Variants in CRIPTO3 observed in about 807,000 individuals in gnomAD.
CRIPTO3 encodes the protein protein CRIPTO3.
chrX:110,521,567 A>T, the CRIPTO3 span: 1 of 1,211,789 alleles, frequency 8.3e-7, no homozygotes, highest in East Asian at 3.0e-5. Context: ...AGGCATTTCT[A>T]CCCGGCTGTG....
At chrX:110,521,279 C>T in the CRIPTO3 span, 1 of 1,189,998 alleles carries the variant, frequency 8.4e-7, no homozygotes, top group Non-Finnish European at 1.1e-6. Context: ...GAGATGACAG[C>T]ATTTGGCCCC....
At chrX:110,521,156 C>T in the CRIPTO3 span, 306 of 1,127,987 alleles carry the variant, frequency 2.7e-4, no homozygotes, top group Admixed American at 5.2e-4. Flanking sequence ...TGGTCCGCTT[C>T]TCTTACAGTG....
the CRIPTO3 span, chrX:110,521,380 T>C: frequency 8.3e-7 from 1 of 1,211,762 alleles, no homozygotes; most frequent in Admixed American, 2.2e-5. Context: ...ACCTGCTGCC[T>C]GAATGGGGGA....
chrX:110,522,943 A>G, the CRIPTO3 span: 1 of 107,990 alleles, frequency 9.3e-6, no homozygotes, highest in Admixed American at 9.8e-5. Flanking sequence ...CCTAGCAGGC[A>G]AGGAACATGC....
At chrX:110,521,755 G>T in the CRIPTO3 span, 2 of 944,871 alleles carry the variant, frequency 2.1e-6, no homozygotes, top group Admixed American at 4.4e-5. Flanking sequence ...TTCATGACCC[G>T]TAAAGGCTGC....
At chrX:110,522,331 C>G in the CRIPTO3 span, 4 of 115,228 alleles carry the variant, frequency 3.5e-5, no homozygotes, top group African/African-American at 1.3e-4. Flanking sequence ...ATTACATCTT[C>G]AGATTATTAA....
chrX:110,521,277 A>G, the CRIPTO3 span: 2 of 1,190,027 alleles, frequency 1.7e-6, no homozygotes, highest in African/African-American at 3.5e-5. Context: ...CAGAGATGAC[A>G]GCATTTGGCC....
the CRIPTO3 span, chrX:110,521,215 C>T: frequency 2.7e-5 from 31 of 1,137,632 alleles, no homozygotes; most frequent in East Asian, 4.5e-4. Flanking sequence ...GGATTAGTTG[C>T]CGGGCTGGGC....
At chrX:110,521,038 T>G in the CRIPTO3 span, 2 of 797,871 alleles carry the variant, frequency 2.5e-6, no homozygotes, top group African/African-American at 2.0e-5. Flanking sequence ...CATTTTCGCT[T>G]TAGGAGATGA....
the CRIPTO3 span, chrX:110,521,051 G>A: frequency 3.4e-5 from 30 of 877,377 alleles, no homozygotes; most frequent in Middle Eastern, 7.9e-4. Flanking sequence ...GGAGATGAAT[G>A]TTTTCCTTTG....
chrX:110,521,485 C>A, the CRIPTO3 span: 6 of 1,208,827 alleles, frequency 5.0e-6, no homozygotes, highest in African/African-American at 8.7e-5. Flanking sequence ...GGGTCTGTGC[C>A]CCATGACACC....
At chrX:110,521,298 C>T in the CRIPTO3 span, 1 of 1,201,674 alleles carries the variant, frequency 8.3e-7, no homozygotes, top group Non-Finnish European at 1.1e-6. Context: ...CCAGGAGGAG[C>T]CTGCAATTCG....
chrX:110,521,851 C>T, the CRIPTO3 span: 1 of 511,939 alleles, frequency 2.0e-6, no homozygotes, highest in Admixed American at 2.8e-5. Flanking sequence ...CTAACATTTC[C>T]TTACAGAACT....
the CRIPTO3 span, chrX:110,521,713 T>A: frequency 1.7e-6 from 2 of 1,153,396 alleles, no homozygotes; most frequent in Admixed American, 4.3e-5. Flanking sequence ...TTGACCTATT[T>A]CCAGAAATAC....
At chrX:110,521,460 C>A in the CRIPTO3 span, 16 of 1,209,884 alleles carry the variant, frequency 1.3e-5, no homozygotes, top group South Asian at 2.5e-4. Context: ...GCACGATGTG[C>A]GCAAAGAGAA....
chrX:110,521,604 G>T, the CRIPTO3 span: 4 of 1,210,353 alleles, frequency 3.3e-6, no homozygotes, highest in Non-Finnish European at 4.5e-6. Flanking sequence ...TGAGCACCTC[G>T]TGGCTTCCAG....
the CRIPTO3 span, chrX:110,521,011 T>C: frequency 2.9e-6 from 2 of 692,001 alleles, no homozygotes. Context: ...GAATTTCTCA[T>C]TTTCTTCTTA....
chrX:110,521,860 C>T, the CRIPTO3 span: 1 of 494,229 alleles, frequency 2.0e-6, no homozygotes, highest in Admixed American at 3.0e-5. Flanking sequence ...CCTTACAGAA[C>T]TAACTACTTC....
At chrX:110,522,865 G>C in the CRIPTO3 span, 3 of 100,714 alleles carry the variant, frequency 3.0e-5, no homozygotes, top group Non-Finnish European at 5.9e-5. Context: ...AAAATACATT[G>C]TATATACGTG....
Sources: gnomAD v4.1 joint callset for allele counts on GRCh38, gnomAD v4.1.1 for gene constraint, MANE v1.5 for transcripts, NCBI Gene and HGNC (gene_info 2026-07-23, HGNC 2026-07-21) for gene names.